The following FYB1 variants were observed in gnomAD, a reference collection of about 807,000 sequenced individuals.
FYB1 encodes the protein FYN binding protein 1, also known as FYN-binding protein 1.
A neutral mutation model predicts 94.1 loss-of-function variants in FYB1; 41 were observed. The observed-to-expected ratio is 0.44, with a 90% CI of 0.34 to 0.57. The LOEUF is 0.57. FYB1 is among the 20% of genes least tolerant of loss of function. The pLI, the probability that FYB1 is intolerant of heterozygous loss-of-function variation, is 0.02. For missense variants in FYB1, 1,050 were observed against 976.8 expected, an observed-to-expected ratio of 1.07 and a Z score of -1.00; for synonymous variants, 367 against 353.2, an observed-to-expected ratio of 1.04 and a Z score of -0.44.
rs1021988262 is a variant in FYB1 at position 39,219,530 on chromosome 5, C to T, written c.-115G>A. On this transcript the variant is annotated 5_prime_UTR_variant, in exon 1 of 19. Coordinates refer to ENST00000512982, the MANE Select transcript of FYB1 (RefSeq NM_001465.6). The stretch of plus-strand genomic sequence containing the variant: ...CTGGGCCCTACTCACTTCTAGCTGT[C>T]GCATCTGCTCTGCATGTGGAACTCA... 1.0e-6 allele frequency: 1 copy of T among 985,430 alleles called. No individual in the cohort carries two copies. Among genetic ancestry groups the T allele is most frequent in the Non-Finnish European group, 1.2e-6 (1 of 829,934 alleles). 61.0% of individuals were successfully genotyped at this position (985,430 alleles called of 1,614,324 possible).
intron 17 of FYB1, among the ~76,000 whole-genome samples, chr5:39,110,030 A>T (rs1242478634): frequency 6.6e-6 from 1 of 152,166 alleles, no homozygotes; most frequent in Non-Finnish European, 1.5e-5. Flanking sequence ...ATTAGCAAGT[A>T]AAATGCAAAA....
At chr5:39,231,978 T>C (rs184410934) in intron 1 of FYB1, among the ~76,000 whole-genome samples, 1 of 152,152 alleles carries the variant, frequency 6.6e-6, no homozygotes, top group Non-Finnish European at 1.5e-5. Flanking sequence ...TGGAAGCATG[T>C]TTAAGACAGA....
chr5:39,152,099 A>AAAAAC (rs70982545), intron 3 of FYB1, among the ~76,000 whole-genome samples: 148,929 of 152,154 alleles, frequency 0.98, 72,950 homozygotes, highest in Non-Finnish European at 1. Context: ...TCCCTTTTGA[A>AAAAAC]AAAGTAGCTG....
chr5:39,214,958 T>C (rs1052581693), intron 1 of FYB1, among the ~76,000 whole-genome samples: 13 of 152,136 alleles, frequency 8.5e-5, no homozygotes, highest in South Asian at 2.1e-4. Flanking sequence ...ATTTCACTTA[T>C]ATGATGTACC....
chr5:39,173,259 A>C (rs960051109), intron 2 of FYB1, among the ~76,000 whole-genome samples: 1 of 152,174 alleles, frequency 6.6e-6, no homozygotes, highest in Admixed American at 6.5e-5. Flanking sequence ...TCTTTTAAGA[A>C]GTGTCTGTTC....
chr5:39,161,801 C>T (rs1358830909), intron 2 of FYB1, among the ~76,000 whole-genome samples: 2 of 152,170 alleles, frequency 1.3e-5, no homozygotes, highest in African/African-American at 4.8e-5. Flanking sequence ...AGAATATACA[C>T]ATCACCTCAA....
At chr5:39,199,740 TG>T (rs1278312689) in intron 2 of FYB1, among the ~76,000 whole-genome samples, 2 of 152,094 alleles carry the variant, frequency 1.3e-5, no homozygotes, top group East Asian at 1.9e-4. Flanking sequence ...GTGGTTTCTA[TG>T]GGGTAGGGGC....
Position 39,127,910 on chromosome 5 carries a change from G to T in FYB1, c.1841-103C>A, listed in dbSNP as rs905400528. Reference sequence around the variant, plus strand: ...AATCTTCCTTATTTAACTGCAGAGAGCATTTCACTTTCATGTAAACCATTT... The same window carrying T: ...AATCTTCCTTATTTAACTGCAGAGATCATTTCACTTTCATGTAAACCATTT... On this transcript the variant is annotated intron_variant, in intron 10 of 18. Transcript: ENST00000512982. 3 of 1,051,048 alleles carry T rather than the reference G, an allele frequency of 2.9e-6. No homozygotes were observed. The Admixed American group carries it at 1.0e-4, about 35-fold the overall frequency. The allele number at this position is 1,051,048 out of a possible 1,614,324, so 65.1% of individuals were successfully genotyped here.
chr5:39,194,994 T>C (rs1747704115), intron 2 of FYB1, among the ~76,000 whole-genome samples: 2 of 152,128 alleles, frequency 1.3e-5, no homozygotes, highest in South Asian at 4.1e-4. Flanking sequence ...AGAACGAGCG[T>C]GCAGGGTGTG....
chr5:39,189,218 C>T (rs1177631324), intron 2 of FYB1, among the ~76,000 whole-genome samples: 3 of 138,820 alleles, frequency 2.2e-5, no homozygotes, highest in Admixed American at 7.9e-5. Flanking sequence ...GGCAGAAGAA[C>T]GCCTTTTATG....
intron 1 of FYB1, among the ~76,000 whole-genome samples, chr5:39,234,934 A>G (rs1750895376): frequency 6.6e-6 from 1 of 151,988 alleles, no homozygotes; most frequent in Non-Finnish European, 1.5e-5. Flanking sequence ...ACAAATACCT[A>G]ATGCATGCGG....
At chr5:39,249,390 G>A (rs757120066) in intron 1 of FYB1, among the ~76,000 whole-genome samples, 1 of 152,202 alleles carries the variant, frequency 6.6e-6, no homozygotes, top group Admixed American at 6.5e-5. Flanking sequence ...GCCATATACA[G>A]TATGTTAATG....
intron 2 of FYB1, among the ~76,000 whole-genome samples, chr5:39,183,496 A>G (rs1243521767): frequency 2.0e-5 from 3 of 152,202 alleles, no homozygotes; most frequent in Non-Finnish European, 4.4e-5. Flanking sequence ...AAGCTTCTAC[A>G]CAAGTGAACT....
chr5:39,142,634 G>A (rs1742292919), intron 3 of FYB1, among the ~76,000 whole-genome samples: 1 of 152,094 alleles, frequency 6.6e-6, no homozygotes, highest in Non-Finnish European at 1.5e-5. Context: ...TTACCTCTGT[G>A]AATTCTTCAC....
intron 1 of FYB1, among the ~76,000 whole-genome samples, chr5:39,258,215 T>C (rs141031068): frequency 6.6e-6 from 1 of 152,310 alleles, no homozygotes; most frequent in Non-Finnish European, 1.5e-5. Flanking sequence ...TCTCCTAGTG[T>C]CTCATCTACC....
intron 1 of FYB1, among the ~76,000 whole-genome samples, chr5:39,207,697 T>C (rs1748982925): frequency 6.6e-6 from 1 of 152,194 alleles, no homozygotes; most frequent in Admixed American, 6.5e-5. Flanking sequence ...TGTTTTGTTT[T>C]AGTTTTATTG....
intron 14 of FYB1, among the ~76,000 whole-genome samples, chr5:39,119,867 C>A (rs1471628766): frequency 6.6e-6 from 1 of 152,014 alleles, no homozygotes; most frequent in Non-Finnish European, 1.5e-5. Flanking sequence ...AGATTAGATT[C>A]GTTCTTATAC....
In FYB1 at chr5:39,129,675, A is replaced by G. The variant is rs368936877; in HGVS notation, c.1840+915T>C. On this transcript the variant is annotated intron_variant, in intron 10 of 18. Coordinates refer to ENST00000512982, the MANE Select transcript of FYB1 (RefSeq NM_001465.6). ...ATCTAAAAAGACATTTCTTAGAAGA[A>G]GACATACAAATGGCCAACAGGCATA... Among the ~76,000 whole-genome samples, 3 of 152,240 alleles carry G rather than the reference A, an allele frequency of 2.0e-5. No homozygotes were observed. In the South Asian group the frequency reaches 6.2e-4, roughly 31 times the overall value.
At chr5:39,127,918 C>G (rs1426347841) in intron 10 of FYB1, 111 bp from the exon 11 acceptor site, 2 of 983,874 alleles carry the variant, frequency 2.0e-6, no homozygotes, top group Non-Finnish European at 1.4e-6. Flanking sequence ...GAGCATTTCA[C>G]TTTCATGTAA....
Sources: allele counts gnomAD v4.1 joint callset (sites outside exome capture counted in the v4.1 genomes callset), GRCh38; gene constraint gnomAD v4.1.1; transcripts MANE v1.5; gene names NCBI Gene and HGNC (gene_info 2026-07-23, HGNC 2026-07-21).